TRIM58: variants seen among roughly 807,000 people sequenced by gnomAD.
The protein encoded by TRIM58 is tripartite motif containing 58, also known as E3 ubiquitin-protein ligase TRIM58.
TRIM58 carries 38 observed loss-of-function variants against 34.1 expected under a neutral mutation model. The ratio of observed to expected loss-of-function variants is 1.12; its 90% CI spans 0.86 to 1.46. The LOEUF is 1.46. TRIM58 is among the 40% of genes most tolerant of loss of function. The pLI, the probability that TRIM58 is intolerant of heterozygous loss-of-function variation, is 0.00. For missense variants in TRIM58, 677 were observed against 642.0 expected (o/e 1.05, Z -0.59); for synonymous variants, 273 against 275.7 (o/e 0.99, Z 0.10).
At chr1:247,861,918 G>A (rs1362642828) in intron 2 of TRIM58, among the ~76,000 whole-genome samples, 1 of 152,092 alleles carries the variant, frequency 6.6e-6, no homozygotes, top group Non-Finnish European at 1.5e-5. Flanking sequence ...GAGGTCAGGA[G>A]TTCGAGACCA....
Position 247,876,750 on chromosome 1 carries a change from A to G in TRIM58, c.*261A>G, listed in dbSNP as rs1333290443. 4.3e-6 allele frequency: 2 copies of G among 469,288 alleles called. No homozygotes were observed. Among genetic ancestry groups the G allele is most frequent in the South Asian group, 3.1e-5 (1 of 32,174 alleles). The allele number at this position is 469,288 out of a possible 1,614,324, so 29.1% of individuals were successfully genotyped here. On this transcript the variant is annotated 3_prime_UTR_variant, in exon 6 of 6. Transcript: ENST00000366481. ...TTTCTTGATGTCTTCCTTCAAATTA[A>G]TGACCTTGGATTACATAAGGATTTC...
chr1:247,860,765 C>T (rs989944748), intron 2 of TRIM58, 53 bp downstream of exon 2: 6 of 1,396,674 alleles, frequency 4.3e-6, no homozygotes, highest in Admixed American at 1.7e-5. Flanking sequence ...GATCCAGATT[C>T]GGGTCAGTAA....
chr1:247,878,904 G>T lies in TRIM58; in HGVS notation c.*2415G>T, dbSNP rs897115051. ...CTTGCATTCTTAGGTTCATAGTTTTGTGTGTCTCCTGTAATGACTCTTCTC... is the reference window on the plus strand; with the variant it reads ...CTTGCATTCTTAGGTTCATAGTTTTTTGTGTCTCCTGTAATGACTCTTCTC... On this transcript the variant is annotated 3_prime_UTR_variant, in exon 6 of 6. Coordinates refer to ENST00000366481, the MANE Select transcript of TRIM58 (RefSeq NM_015431.4). 6.6e-6 allele frequency among the ~76,000 whole-genome samples: 1 copy of T among 152,060 alleles called. No homozygotes were observed. Among genetic ancestry groups the T allele is most frequent in the African/African-American group, 2.4e-5 (1 of 41,384 alleles).
chr1:247,857,742 G>A (rs1572567044), intron 1 of TRIM58, 76 bp downstream of exon 1: 1 of 1,197,940 alleles, frequency 8.3e-7, no homozygotes, highest in Non-Finnish European at 1.0e-6. Context: ...CGGAGCCGCC[G>A]AGGCCACCCG....
chr1:247,877,747 G>A lies in TRIM58; in HGVS notation c.*1258G>A, dbSNP rs1411517931. The A allele has an allele frequency of 6.6e-6, 1 of 152,140 alleles. No individual in the cohort carries two copies. Among genetic ancestry groups the A allele is most frequent in the Non-Finnish European group, 1.5e-5 (1 of 68,034 alleles). The allele number at this position is 152,140 out of a possible 1,614,324, so 9.4% of individuals were successfully genotyped here. ...TTCCATTTAAATACATTATAATGAT[G>A]ATGATGAAATCATGATAATATTTAA... On this transcript the variant is annotated 3_prime_UTR_variant, in exon 6 of 6. Coordinates refer to ENST00000366481, the MANE Select transcript of TRIM58 (RefSeq NM_015431.4).
At chr1:247,875,639 A>G (rs904192126) in intron 5 of TRIM58, among the ~76,000 whole-genome samples, 4 of 152,028 alleles carry the variant, frequency 2.6e-5, no homozygotes, top group African/African-American at 9.7e-5. Flanking sequence ...GTCGTCATCA[A>G]TAGTTGTTTT....
Position 247,877,665 on chromosome 1 carries a change from C to T in TRIM58, c.*1176C>T, listed in dbSNP as rs1171155434. On this transcript the variant is annotated 3_prime_UTR_variant, in exon 6 of 6. Transcript: ENST00000366481. ...ACATGGAACAATTATACTGGCCTCA[C>T]TGTGTTATGGTAAATATTTAAGGTC... The T allele has an allele frequency of 2.6e-5, 4 of 152,042 alleles. No homozygotes were observed. Among genetic ancestry groups the T allele is most frequent in the Non-Finnish European group, 4.4e-5 (3 of 68,040 alleles). 9.4% of individuals were successfully genotyped at this position (152,042 alleles called of 1,614,324 possible).
Position 247,857,663 on chromosome 1 carries a change from C to G in TRIM58, c.417C>G (p.Tyr139Ter). Residue 139 changes from tyrosine (Y) to a stop codon, truncating the protein, a stop_gained, in exon 1 of 6, where the codon TAC (tyrosine) becomes TAG (stop). Coordinates refer to ENST00000366481, the MANE Select transcript of TRIM58 (RefSeq NM_015431.4). LOFTEE classifies it high-confidence loss of function. ...TAPLQEAAGSYQVKLQMALEL... is the reference protein window; with the variant it reads ...TAPLQEAAGS ...CGCTGCAGGAGGCCGCCGGCAGCTA[C>G]CAGGTGAGGCGCCCCCCGGCGGGGG... 1 of 1,229,306 alleles carries G rather than the reference C, an allele frequency of 8.1e-7. No individual in the cohort carries two copies. Among genetic ancestry groups the G allele is most frequent in the Non-Finnish European group, 1.0e-6 (1 of 986,358 alleles). The allele number at this position is 1,229,306 out of a possible 1,614,324, so 76.1% of individuals were successfully genotyped here. A position where few individuals can be genotyped will look rare whatever the true frequency, so the allele number is the denominator to read the frequency against.
At chr1:247,869,341 A>C (rs1180701815) in intron 5 of TRIM58, among the ~76,000 whole-genome samples, 1 of 152,176 alleles carries the variant, frequency 6.6e-6, no homozygotes, top group Non-Finnish European at 1.5e-5. Flanking sequence ...AAGGACTGAA[A>C]GTTTCAAGCC....
At chr1:247,874,399 A>C (rs1426874009) in intron 5 of TRIM58, among the ~76,000 whole-genome samples, 1 of 152,200 alleles carries the variant, frequency 6.6e-6, no homozygotes, top group Non-Finnish European at 1.5e-5. Flanking sequence ...GCACTAAGTC[A>C]TTCATGGGGG....
chr1:247,865,851 T>C (rs942540480), intron 3 of TRIM58, among the ~76,000 whole-genome samples: 2 of 152,182 alleles, frequency 1.3e-5, no homozygotes, highest in Non-Finnish European at 2.9e-5. Flanking sequence ...AAGTGATGCA[T>C]GTTCTCATTT....
In TRIM58 at chr1:247,876,410, C is replaced by T. The variant is rs752413218; in HGVS notation, c.1382C>T (p.Thr461Ile). The T allele has an allele frequency of 7.4e-6, 12 of 1,614,160 alleles. No homozygotes were observed. Among genetic ancestry groups the T allele is most frequent in the Non-Finnish European group, 9.3e-6 (11 of 1,180,030 alleles). Reference sequence around the variant, plus strand: ...GCAACTCCTCTTATCTTGCCACCCACAACAATAGCAGGGTCAGGAAATTGG... The same window carrying T: ...GCAACTCCTCTTATCTTGCCACCCATAACAATAGCAGGGTCAGGAAATTGG... ...CDATPLILPP[T>I]TIAGSGNWAS... The change falls in exon 6 of 6, where the codon ACA (threonine) becomes ATA (isoleucine). Residue 461 changes from threonine to isoleucine, a missense_variant. Coordinates refer to ENST00000366481, the MANE Select transcript of TRIM58 (RefSeq NM_015431.4).
chr1:247,857,192 C>T lies in TRIM58; in HGVS notation c.-55C>T, dbSNP rs944545475. On this transcript the variant is annotated 5_prime_UTR_variant, in exon 1 of 6. Transcript: ENST00000366481. ...GCGTGGGCTCCTCCCCCTGTGCAGA[C>T]CGCGAGGGGAGACGGTGCGGGCGGC... 11 of 1,302,150 alleles carry T rather than the reference C, an allele frequency of 8.4e-6. No homozygotes were observed. Among genetic ancestry groups the T allele is most frequent in the Non-Finnish European group, 1.1e-5 (11 of 1,021,980 alleles). 80.7% of individuals were successfully genotyped at this position (1,302,150 alleles called of 1,614,324 possible).
rs1471394412 is a variant in TRIM58, at chr1:247,879,571, C to T, written c.*3082C>T. ...AATCCTCACAGTGAATCCCCAGGCC[C>T]TAGAGGATGTGAACCCCCAGGCCCT... On this transcript the variant is annotated 3_prime_UTR_variant, in exon 6 of 6. Coordinates refer to ENST00000366481, the MANE Select transcript of TRIM58 (RefSeq NM_015431.4). 1.3e-5 allele frequency among the ~76,000 whole-genome samples: 2 copies of T among 151,860 alleles called. No individual in the cohort carries two copies. The highest frequency in any genetic ancestry group is 6.6e-5 in the Admixed American group (1 of 15,238).
chr1:247,864,026 C>G (rs539689843), intron 2 of TRIM58, among the ~76,000 whole-genome samples: 10 of 152,112 alleles, frequency 6.6e-5, no homozygotes, highest in Admixed American at 1.3e-4. Context: ...TCAGTTGTTT[C>G]TAGTGGTTCT....
rs769197263 is a variant in TRIM58, at chr1:247,875,883, C to T, written c.872-17C>T. The T allele has an allele frequency of 2.5e-6, 4 of 1,596,590 alleles. No individual in the cohort carries two copies. The African/African-American group carries it at 5.4e-5, about 21-fold the overall frequency. Reference sequence around the variant, plus strand: ...CCTTTCTTTCCTTTCACCTGGTCCACCACATTCTTTCCGCAGTGGATGTAA... The same window carrying T: ...CCTTTCTTTCCTTTCACCTGGTCCATCACATTCTTTCCGCAGTGGATGTAA... On this transcript the variant is annotated splice_polypyrimidine_tract_variant and intron_variant, in intron 5 of 5. Transcript: ENST00000366481.
chr1:247,857,412 G>T lies in TRIM58; in HGVS notation c.166G>T (p.Ala56Ser), dbSNP rs771012092. The stretch of plus-strand genomic sequence containing the variant: ...GGACGGCGCGCAGGGCGGCGTCTAC[G>T]CCTGTCCGCAGTGCCGGGGCCCCTT... ...KSDGAQGGVY[A>S]CPQCRGPFRP... The change falls in exon 1 of 6, where the codon GCC becomes TCC. Residue 56 changes from alanine to serine, a missense_variant. Coordinates refer to ENST00000366481, the MANE Select transcript of TRIM58 (RefSeq NM_015431.4). 3.7e-5 allele frequency: 56 copies of T among 1,506,550 alleles called. No individual in the cohort carries two copies. The highest frequency in any genetic ancestry group is 4.7e-5 in the Non-Finnish European group (53 of 1,125,348). 93.3% of individuals were successfully genotyped at this position (1,506,550 alleles called of 1,614,324 possible).
Position 247,857,219 on chromosome 1 carries a change from G to C in TRIM58, c.-28G>C, listed in dbSNP as rs772301855. 4 of 1,307,052 alleles carry C rather than the reference G, an allele frequency of 3.1e-6. No homozygotes were observed. Among genetic ancestry groups the C allele is most frequent in the Non-Finnish European group, 3.9e-6 (4 of 1,022,200 alleles). 81.0% of individuals were successfully genotyped at this position (1,307,052 alleles called of 1,614,324 possible). ...GCGAGGGGAGACGGTGCGGGCGGCC[G>C]GGAGCGCAGCCCTCCGGGAGGCGGG... On this transcript the variant is annotated 5_prime_UTR_variant, in exon 1 of 6. Transcript: ENST00000366481.
At chr1:247,868,479 A>G (rs928245286) in intron 5 of TRIM58, among the ~76,000 whole-genome samples, 4 of 152,168 alleles carry the variant, frequency 2.6e-5, no homozygotes, top group African/African-American at 7.2e-5. Context: ...CAAACAGCCA[A>G]TCAGTTCTCC....
Sources: gnomAD v4.1 joint callset for allele counts (sites outside exome capture counted in the v4.1 genomes callset) on GRCh38, gnomAD v4.1.1 for gene constraint, MANE v1.5 for transcripts, NCBI Gene and HGNC (gene_info 2026-07-23, HGNC 2026-07-21) for gene names.